Variants in SLC9C1 observed in about 807,000 individuals in gnomAD.
The protein encoded by SLC9C1 is sodium/hydrogen exchanger 10.
Under a neutral mutation model 140.9 loss-of-function variants are expected in SLC9C1, and 97 were observed. The ratio of observed to expected loss-of-function variants is 0.69; its 90% CI spans 0.58 to 0.82. SLC9C1 has a LOEUF of 0.82. Ranked by LOEUF, SLC9C1 falls within the 40% of genes least tolerant of loss-of-function variation. SLC9C1 has a pLI of 0.00. For synonymous variants in SLC9C1, 440 were observed against 442.6 expected (o/e 0.99, Z 0.07); for missense variants, 1,340 against 1,389.3 (o/e 0.96, Z 0.56).
chr3:112,186,133 T>G (rs1006014259), intron 20 of SLC9C1: 1 of 558,542 alleles, frequency 1.8e-6, no homozygotes, highest in Non-Finnish European at 2.9e-6. Context: ...TGGATATGAG[T>G]TCTTCATTGG....
chr3:112,200,805 T>A lies in SLC9C1; in HGVS notation c.2323-43A>T, dbSNP rs200819968. The A allele has an allele frequency of 3.3e-3, 4,977 of 1,512,424 alleles. 38 individuals carry two copies. Among genetic ancestry groups the A allele is most frequent in the South Asian group, 0.02 (1,647 of 84,286 alleles). The allele number at this position is 1,512,424 out of a possible 1,614,324, so 93.7% of individuals were successfully genotyped here. A position where few individuals can be genotyped will look rare whatever the true frequency, so the allele number is the denominator to read the frequency against. On this transcript the variant is annotated intron_variant, in intron 18 of 28. Transcript: ENST00000305815. ...TGTTATCCCCATTGGAAAAACAGAC[T>A]GTTATAAAATGTCCTTACATTTGCA...
intron 20 of SLC9C1, among the ~76,000 whole-genome samples, chr3:112,183,403 T>C (rs1354696236): frequency 1.6e-5 from 2 of 128,260 alleles, no homozygotes; most frequent in Non-Finnish European, 3.2e-5. Flanking sequence ...TTTATTGAAG[T>C]ATTTAGCACT....
intron 6 of SLC9C1, 86 bp from the exon 7 acceptor site, chr3:112,270,163 T>A: frequency 7.4e-7 from 1 of 1,343,238 alleles, no homozygotes; most frequent in Non-Finnish European, 9.9e-7. Flanking sequence ...TTCCTTTTTG[T>A]CATTATCTTT....
At chr3:112,158,377 A>G (rs2075186453) in intron 26 of SLC9C1, among the ~76,000 whole-genome samples, 1 of 152,024 alleles carries the variant, frequency 6.6e-6, no homozygotes, top group South Asian at 2.1e-4. Context: ...TCCCACTTGA[A>G]CATGATGAAT....
rs1218491783 is a variant in SLC9C1 at position 112,277,613 on chromosome 3, A to G, written c.484+82T>C. 5 of 1,250,808 alleles carry G rather than the reference A, an allele frequency of 4.0e-6. No individual in the cohort carries two copies. In the African/African-American group the frequency reaches 6.3e-5, roughly 16 times the overall value. 77.5% of individuals were successfully genotyped at this position (1,250,808 alleles called of 1,614,324 possible). A position where few individuals can be genotyped will look rare whatever the true frequency, so the allele number is the denominator to read the frequency against. ...ACCTGACTTCTCACAGTGAAAAGCT[A>G]CCAAAAGCAAAAGATCTTAAAATAC... On this transcript the variant is annotated intron_variant, in intron 5 of 28. Coordinates refer to ENST00000305815, the MANE Select transcript of SLC9C1 (RefSeq NM_183061.3).
chr3:112,261,715 A>C (rs1268204955), intron 10 of SLC9C1, among the ~76,000 whole-genome samples: 15 of 152,084 alleles, frequency 9.9e-5, no homozygotes, highest in Non-Finnish European at 1.5e-5. Context: ...CACTACGGCA[A>C]AGTATATCAT....
At chr3:112,276,380 G>GAA (rs34158065) in intron 5 of SLC9C1, among the ~76,000 whole-genome samples, 36,426 of 146,950 alleles carry the variant, frequency 0.25, 4,751 homozygotes, top group East Asian at 0.34. Flanking sequence ...ATATATATAT[G>GAA]AAAAAATATA....
intron 19 of SLC9C1, among the ~76,000 whole-genome samples, chr3:112,200,020 C>A (rs978294989): frequency 6.6e-6 from 1 of 152,008 alleles, no homozygotes; most frequent in African/African-American, 2.4e-5. Flanking sequence ...TTTTCCTTGA[C>A]CATAACCTCT....
At chr3:112,196,977 T>C (rs2077783257) in intron 20 of SLC9C1, among the ~76,000 whole-genome samples, 1 of 151,884 alleles carries the variant, frequency 6.6e-6, no homozygotes, top group Non-Finnish European at 1.5e-5. Flanking sequence ...AAACTGAATT[T>C]GAATTAAACA....
At chr3:112,288,971 C>T (rs1014233871) in intron 1 of SLC9C1, among the ~76,000 whole-genome samples, 2 of 152,084 alleles carry the variant, frequency 1.3e-5, no homozygotes, top group Non-Finnish European at 2.9e-5. Context: ...TTGGTGCCTA[C>T]GTCCTATCTC....
At chr3:112,188,615 T>C (rs2077586589) in intron 20 of SLC9C1, among the ~76,000 whole-genome samples, 1 of 152,236 alleles carries the variant, frequency 6.6e-6, no homozygotes, top group African/African-American at 2.4e-5. Context: ...TGTGCCACAT[T>C]TTCTTAATCC....
intron 15 of SLC9C1, among the ~76,000 whole-genome samples, chr3:112,215,387 G>T (rs548884152): frequency 3.2e-4 from 49 of 152,230 alleles, no homozygotes; most frequent in Admixed American, 2.7e-3. Flanking sequence ...GGAAATAAAG[G>T]GTAGTCAATT....
intron 6 of SLC9C1, among the ~76,000 whole-genome samples, chr3:112,273,247 A>G (rs2108323412): frequency 6.6e-6 from 1 of 152,068 alleles, no homozygotes; most frequent in South Asian, 2.1e-4. Flanking sequence ...TTTTATGGTG[A>G]GCGCTCTCTG....
chr3:112,150,833 TATATATA>T (rs2074949194), intron 28 of SLC9C1, among the ~76,000 whole-genome samples: 3 of 40,296 alleles, frequency 7.4e-5, no homozygotes, highest in East Asian at 1.9e-3. Context: ...TATATATATA[TATATATA>T]TTTTTTTTTT....
rs907567244 is a variant in SLC9C1, at chr3:112,239,723, A to G, written c.1446+117T>C. On this transcript the variant is annotated intron_variant, in intron 12 of 28. Transcript: ENST00000305815. ...TACTTTGTTAAATAGAGTTATTAAC[A>G]TGACTTCTCTATCAATTACAAATAT... 12 of 1,057,748 alleles carry G rather than the reference A, an allele frequency of 1.1e-5. 1 individual carries two copies. The Middle Eastern group carries it at 1.3e-3, about 113-fold the overall frequency. The allele number at this position is 1,057,748 out of a possible 1,614,324, so 65.5% of individuals were successfully genotyped here. A position where few individuals can be genotyped will look rare whatever the true frequency, so the allele number is the denominator to read the frequency against.
At chr3:112,215,863 T>A (rs1182454618) in intron 15 of SLC9C1, among the ~76,000 whole-genome samples, 1 of 152,134 alleles carries the variant, frequency 6.6e-6, no homozygotes, top group Admixed American at 6.5e-5. Flanking sequence ...TACTTTAAAC[T>A]TCATATGGAA....
rs1049462532 is a variant in SLC9C1, at chr3:112,153,578, A to G, written c.3417+1419T>C. ...GACGTTTGGAGAAATAGTTTCCTGT[A>G]TTAAGAAAGGGTGAGCCAAGAATAA... On this transcript the variant is annotated intron_variant, in intron 27 of 28. Coordinates refer to ENST00000305815, the MANE Select transcript of SLC9C1 (RefSeq NM_183061.3). Among the ~76,000 whole-genome samples the G allele has an allele frequency of 1.4e-4, 22 of 152,220 alleles. 1 individual carries two copies. Among genetic ancestry groups the G allele is most frequent in the African/African-American group, 5.3e-4 (22 of 41,446 alleles).
chr3:112,155,119 T>C, intron 26 of SLC9C1, 70 bp from the exon 27 acceptor site: 4 of 1,338,328 alleles, frequency 3.0e-6, no homozygotes, highest in Non-Finnish European at 4.2e-6. Context: ...TTAGTCCAAC[T>C]ATCAGATTAG....
rs2079210667 is a variant in SLC9C1, at chr3:112,244,073, A to G, written c.1201T>C (p.Leu401=). Reference sequence around the variant, plus strand: ...AGGCATACTAACACTCCATGAAATAATATCTAGAATTGAAAAAAATACAAA... The same window carrying G: ...AGGCATACTAACACTCCATGAAATAGTATCTAGAATTGAAAAAAATACAAA... ...FGSDKEKSQI[L]FHGVLVCLIT... is the part of the protein sequence containing the mutation. The change falls in exon 11 of 29, where the codon TTA becomes CTA. Residue 401 remains leucine, a synonymous_variant. Transcript: ENST00000305815. 1.9e-6 allele frequency: 3 copies of G among 1,584,880 alleles called. No individual in the cohort carries two copies. The South Asian group carries it at 3.5e-5, about 18-fold the overall frequency.
Sources: allele counts gnomAD v4.1 joint callset (sites outside exome capture counted in the v4.1 genomes callset), GRCh38; gene constraint gnomAD v4.1.1; transcripts MANE v1.5; gene names NCBI Gene and HGNC (gene_info 2026-07-23, HGNC 2026-07-21).